The following AGBL4 variants were observed in gnomAD, a reference collection of about 807,000 sequenced individuals.
AGBL4 encodes the protein AGBL carboxypeptidase 4, also known as cytosolic carboxypeptidase 6.
A neutral mutation model predicts 66.4 loss-of-function variants in AGBL4; 58 were observed. The observed-to-expected ratio is 0.87, with a 90% CI of 0.71 to 1.09. AGBL4 has a LOEUF of 1.09. AGBL4 is among the 50% of genes least tolerant of loss of function. AGBL4 has a pLI of 0.00. For synonymous variants in AGBL4, 234 were observed against 222.9 expected (o/e 1.05, Z -0.44); for missense variants, 579 against 631.0 (o/e 0.92, Z 0.88).
At chr1:48,821,729 T>G (rs1387187843) in intron 6 of AGBL4, among the ~76,000 whole-genome samples, 1 of 152,084 alleles carries the variant, frequency 6.6e-6, no homozygotes, top group East Asian at 1.9e-4. Flanking sequence ...CCTGCACATG[T>G]GCCCCTGAAT....
intron 4 of AGBL4, among the ~76,000 whole-genome samples, chr1:49,075,906 C>A (rs1407231902): frequency 6.6e-6 from 1 of 152,112 alleles, no homozygotes; most frequent in Non-Finnish European, 1.5e-5. Context: ...CTTATATGCT[C>A]TTTTGAAAAT....
intron 1 of AGBL4, among the ~76,000 whole-genome samples, chr1:49,966,328 T>C (rs1329444407): frequency 6.6e-6 from 1 of 152,226 alleles, no homozygotes; most frequent in Non-Finnish European, 1.5e-5. Context: ...TTGTAATTAC[T>C]TGACATAAAA....
At chr1:48,870,237 C>A (rs1254457854) in intron 5 of AGBL4, among the ~76,000 whole-genome samples, 1 of 151,956 alleles carries the variant, frequency 6.6e-6, no homozygotes, top group Non-Finnish European at 1.5e-5. Context: ...CAAGTAGGAT[C>A]CTAGTGAGAA....
chr1:49,879,043 C>A (rs1647124434), intron 1 of AGBL4, among the ~76,000 whole-genome samples: 1 of 103,362 alleles, frequency 9.7e-6, no homozygotes, highest in Non-Finnish European at 1.9e-5. Flanking sequence ...TTATTTTCAG[C>A]CTATGTGTGT....
At chr1:48,769,571 A>ACACACACACACACAC (rs1491337703) in intron 6 of AGBL4, among the ~76,000 whole-genome samples, 1 of 123,116 alleles carries the variant, frequency 8.1e-6, no homozygotes, top group African/African-American at 3.3e-5. Context: ...ACACACACAC[A>ACACACACACACACAC]AGTTAAATTT....
At chr1:48,543,350 C>T (rs1644105023) in intron 11 of AGBL4, among the ~76,000 whole-genome samples, 2 of 151,966 alleles carry the variant, frequency 1.3e-5, no homozygotes. Context: ...GGGGAGAAGA[C>T]ACAGAGTGAG....
intron 3 of AGBL4, among the ~76,000 whole-genome samples, chr1:49,340,856 G>A (rs554449988): frequency 3.9e-5 from 6 of 152,170 alleles, no homozygotes; most frequent in Non-Finnish European, 8.8e-5. Flanking sequence ...GAAATCTCCT[G>A]ATGTCCCAAT....
intron 1 of AGBL4, among the ~76,000 whole-genome samples, chr1:49,931,543 T>TA (rs1653363382): frequency 6.6e-6 from 1 of 151,988 alleles, no homozygotes; most frequent in African/African-American, 2.4e-5. Flanking sequence ...CATGAGAACT[T>TA]ACTATCATGA....
intron 3 of AGBL4, among the ~76,000 whole-genome samples, chr1:49,566,693 T>A (rs1644213543): frequency 6.6e-6 from 1 of 152,182 alleles, no homozygotes; most frequent in Non-Finnish European, 1.5e-5. Context: ...CTTTGTGAGG[T>A]GTCAGTCCGC....
At chr1:49,502,106 T>C (rs1156857050) in intron 3 of AGBL4, among the ~76,000 whole-genome samples, 2 of 152,190 alleles carry the variant, frequency 1.3e-5, no homozygotes, top group Admixed American at 1.3e-4. Context: ...GGATGTTCTC[T>C]TTACATCTGT....
chr1:49,257,168 G>GA (rs770634474), intron 3 of AGBL4, among the ~76,000 whole-genome samples: 29 of 149,270 alleles, frequency 1.9e-4, no homozygotes, highest in Non-Finnish European at 3.0e-4. Flanking sequence ...GTCAATGATT[G>GA]AAAAAAAAAT....
At chr1:49,172,851 C>T (rs1172944425) in intron 4 of AGBL4, among the ~76,000 whole-genome samples, 7 of 152,058 alleles carry the variant, frequency 4.6e-5, no homozygotes, top group East Asian at 3.9e-4. Flanking sequence ...CTAGGCTGGG[C>T]GCAGTGGCTC....
chr1:49,630,703 T>C (rs1426017206), intron 3 of AGBL4, among the ~76,000 whole-genome samples: 2 of 152,170 alleles, frequency 1.3e-5, no homozygotes, highest in East Asian at 1.9e-4. Flanking sequence ...CTTTAGTATA[T>C]AACCTCTGTG....
At chr1:49,301,502 C>A (rs908425125) in intron 3 of AGBL4, among the ~76,000 whole-genome samples, 2 of 152,168 alleles carry the variant, frequency 1.3e-5, no homozygotes, top group African/African-American at 4.8e-5. Context: ...AACTCCCTCC[C>A]TGTTTGGGGA....
intron 3 of AGBL4, among the ~76,000 whole-genome samples, chr1:49,340,263 C>T (rs1557853432): frequency 6.6e-6 from 1 of 151,504 alleles, no homozygotes; most frequent in Non-Finnish European, 1.5e-5. Flanking sequence ...CCAATCCCCA[C>T]CTTGCCTGGC....
At chr1:48,714,223 C>T (rs968990652) in intron 6 of AGBL4, among the ~76,000 whole-genome samples, 7 of 152,158 alleles carry the variant, frequency 4.6e-5, no homozygotes, top group African/African-American at 1.7e-4. Flanking sequence ...AACATGAGAA[C>T]TACATTTGGA....
chr1:49,159,676 T>TC (rs1313112012), intron 4 of AGBL4, among the ~76,000 whole-genome samples: 2 of 152,144 alleles, frequency 1.3e-5, no homozygotes, highest in Non-Finnish European at 2.9e-5. Context: ...GATTCCATTC[T>TC]CCCCCCGTCA....
chr1:49,427,186 T>C (rs1383516994), intron 3 of AGBL4, among the ~76,000 whole-genome samples: 1 of 152,166 alleles, frequency 6.6e-6, no homozygotes, highest in Admixed American at 6.6e-5. Flanking sequence ...TGCAATATAT[T>C]GCTATTGACA....
At chr1:49,386,219 T>G (rs1406851885) in intron 3 of AGBL4, among the ~76,000 whole-genome samples, 2 of 151,860 alleles carry the variant, frequency 1.3e-5, no homozygotes, top group African/African-American at 4.8e-5. Context: ...ATTAACCATA[T>G]CAGTTTAAAA....
Sources: allele counts gnomAD v4.1 joint callset (sites outside exome capture counted in the v4.1 genomes callset), GRCh38; gene constraint gnomAD v4.1.1; transcripts MANE v1.5; gene names NCBI Gene and HGNC (gene_info 2026-07-23, HGNC 2026-07-21).